DLGAP2: variants seen among roughly 807,000 people sequenced by gnomAD.
The protein encoded by DLGAP2 is DLG associated protein 2.
DLGAP2 carries 26 observed loss-of-function variants against 100.3 expected under a neutral mutation model. The observed-to-expected ratio is 0.26, with a 90% CI of 0.19 to 0.36. The LOEUF (loss-of-function observed/expected upper bound fraction) is 0.36, where lower values mean the gene tolerates loss of function less well. DLGAP2 is among the 10% of genes least tolerant of loss of function. DLGAP2 has a pLI of 1.00. For synonymous variants in DLGAP2, 886 were observed against 630.1 expected (o/e 1.41, Z -6.08); for missense variants, 1,858 against 1,453.2 (o/e 1.28, Z -4.53).
At chr8:1,468,959 C>T (rs117886013) in intron 3 of DLGAP2, among the ~76,000 whole-genome samples, 409 of 152,304 alleles carry the variant, frequency 2.7e-3, no homozygotes, top group South Asian at 1.0e-2. Flanking sequence ...ATTAGGACCA[C>T]CTTCCCTCTG....
At chr8:1,462,898 A>C (rs1009687016) in intron 3 of DLGAP2, among the ~76,000 whole-genome samples, 1 of 152,212 alleles carries the variant, frequency 6.6e-6, no homozygotes, top group Non-Finnish European at 1.5e-5. Flanking sequence ...CTTCCCAGCA[A>C]ATGGCTCAAA....
rs142713093 is a variant in DLGAP2, at chr8:1,176,443, G to T, written c.74-82408G>T. On this transcript the variant is annotated intron_variant, in intron 2 of 14. Transcript: ENST00000637795. ...TCTACACTTTGGGTGTTTGTTCTGA[G>T]TATTTACATGAGATGTAGAACGATG... Among the ~76,000 whole-genome samples the T allele has an allele frequency of 1.6e-3, 242 of 152,334 alleles. 2 individuals carry two copies. Among genetic ancestry groups the T allele is most frequent in the African/African-American group, 4.6e-3 (193 of 41,578 alleles).
chr8:828,721 T>C (rs765398406), intron 1 of DLGAP2, among the ~76,000 whole-genome samples: 2 of 152,210 alleles, frequency 1.3e-5, no homozygotes, highest in Admixed American at 6.5e-5. Context: ...ATGAAATCTT[T>C]ACAATTTATG....
chr8:987,390 C>T (rs1010583924), intron 2 of DLGAP2, among the ~76,000 whole-genome samples: 5 of 152,102 alleles, frequency 3.3e-5, no homozygotes, highest in South Asian at 2.1e-4. Flanking sequence ...CTGTAGAAAT[C>T]GTGTGGAAGG....
chr8:1,445,006 G>A (rs1290568758), intron 3 of DLGAP2, among the ~76,000 whole-genome samples: 1 of 150,684 alleles, frequency 6.6e-6, no homozygotes, highest in Admixed American at 6.6e-5. Context: ...TCTTGACCTT[G>A]TGATCCACCC....
rs868285351 is a variant in DLGAP2 at position 943,424 on chromosome 8, C to T, written c.73+35458C>T. ...CCACGTTTCATATGTGCGGCACCCG[C>T]GTGTCTGGTGGCTGCTCTGTGGGAA... On this transcript the variant is annotated intron_variant, in intron 2 of 14. Coordinates refer to ENST00000637795, the MANE Select transcript of DLGAP2 (RefSeq NM_001346810.2). Among the ~76,000 whole-genome samples the T allele has an allele frequency of 6.3e-4, 96 of 152,372 alleles. 2 individuals carry two copies. Among genetic ancestry groups the T allele is most frequent in the African/African-American group, 4.3e-4 (18 of 41,582 alleles).
intron 2 of DLGAP2, among the ~76,000 whole-genome samples, chr8:1,055,622 C>T (rs559320573): frequency 6.6e-5 from 10 of 152,306 alleles, no homozygotes; most frequent in African/African-American, 1.2e-4. Flanking sequence ...GTTGGACTTC[C>T]GGGTAGGACG....
intron 2 of DLGAP2, among the ~76,000 whole-genome samples, chr8:971,088 G>A (rs1163918198): frequency 6.6e-6 from 1 of 152,148 alleles, no homozygotes; most frequent in East Asian, 1.9e-4. Flanking sequence ...GAAAATTCAG[G>A]ACTTATTTAG....
At chr8:1,346,528 C>CT (rs1801560823) in intron 3 of DLGAP2, among the ~76,000 whole-genome samples, 1 of 151,096 alleles carries the variant, frequency 6.6e-6, no homozygotes, top group Non-Finnish European at 1.5e-5. Context: ...GTTGAGTTCC[C>CT]ATACAGAGCT....
Position 1,381,785 on chromosome 8 carries a change from G to GTGTGTC in DLGAP2, c.107-119576_107-119575insCTGTGT, listed in dbSNP as rs1403605271. Among the ~76,000 whole-genome samples the GTGTGTC allele has an allele frequency of 7.6e-3, 461 of 60,596 alleles. 1 individual carries two copies. The highest frequency in any genetic ancestry group is 0.026 in the African/African-American group (424 of 16,084). The allele number at this position is 60,596 out of a possible 152,430, so 39.8% of individuals were successfully genotyped here. ...TAGTAAATCTGAGGGTTATTCTAGTGTGTGTGTGTGTGTGTGTGTGTGTGT... is the reference window on the plus strand; with the variant it reads ...TAGTAAATCTGAGGGTTATTCTAGTGTGTGTCTGTGTGTGTGTGTGTGTGTGTGTGT... On this transcript the variant is annotated intron_variant, in intron 3 of 14. Transcript: ENST00000637795.
intron 2 of DLGAP2, among the ~76,000 whole-genome samples, chr8:1,230,030 C>T (rs938826916): frequency 1.3e-4 from 20 of 152,038 alleles, no homozygotes; most frequent in African/African-American, 4.3e-4. Flanking sequence ...GGCAAGAAAA[C>T]GTAGTAAAAG....
intron 1 of DLGAP2, among the ~76,000 whole-genome samples, chr8:847,238 T>C (rs2128986779): frequency 6.6e-6 from 1 of 152,332 alleles, no homozygotes; most frequent in South Asian, 2.1e-4. Context: ...CTTTTCCATA[T>C]TATCTTAGTT....
intron 3 of DLGAP2, among the ~76,000 whole-genome samples, chr8:1,327,112 C>T (rs944410886): frequency 1.3e-4 from 20 of 152,244 alleles, no homozygotes; most frequent in Admixed American, 3.3e-4. Flanking sequence ...CTCCTGAGAG[C>T]GGAGCCTGCC....
intron 4 of DLGAP2, among the ~76,000 whole-genome samples, chr8:1,505,944 G>A (rs1197470494): frequency 6.6e-6 from 1 of 152,156 alleles, no homozygotes; most frequent in Non-Finnish European, 1.5e-5. Flanking sequence ...ATTTTAAAAA[G>A]TTGGCAGATT....
At chr8:1,591,241 T>C (rs1331037205) in intron 6 of DLGAP2, among the ~76,000 whole-genome samples, 1 of 152,142 alleles carries the variant, frequency 6.6e-6, no homozygotes, top group Admixed American at 6.5e-5. Flanking sequence ...CATTAATTTC[T>C]AGGGAATTAC....
chr8:762,554 C>T (rs578083537), intron 1 of DLGAP2, among the ~76,000 whole-genome samples: 1 of 152,238 alleles, frequency 6.6e-6, no homozygotes, highest in East Asian at 1.9e-4. Context: ...TCCCAGGGGT[C>T]ACCCCCTGCT....
chr8:1,584,399 C>A (rs1372646203), intron 6 of DLGAP2, among the ~76,000 whole-genome samples: 2 of 152,204 alleles, frequency 1.3e-5, no homozygotes, highest in African/African-American at 2.4e-5. Context: ...GCATGCCACA[C>A]ACCTGCAACC....
chr8:1,336,201 T>C (rs1452722434), intron 3 of DLGAP2, among the ~76,000 whole-genome samples: 2 of 152,216 alleles, frequency 1.3e-5, no homozygotes, highest in Non-Finnish European at 2.9e-5. Context: ...CAATGAATGG[T>C]TTTGAATGTA....
intron 2 of DLGAP2, among the ~76,000 whole-genome samples, chr8:1,226,186 G>T (rs780009155): frequency 2.6e-5 from 4 of 152,208 alleles, no homozygotes; most frequent in East Asian, 1.9e-4. Context: ...CGTATGTTCA[G>T]TGAAGCACTG....
Sources: gnomAD v4.1 joint callset for allele counts (sites outside exome capture counted in the v4.1 genomes callset) on GRCh38, gnomAD v4.1.1 for gene constraint, MANE v1.5 for transcripts, NCBI Gene and HGNC (gene_info 2026-07-23, HGNC 2026-07-21) for gene names.